CRTAC1: variants seen among roughly 807,000 people sequenced by gnomAD.
CRTAC1 encodes acidic secreted protein in cartilage.
In CRTAC1, 37 loss-of-function variants were observed where a neutral mutation model predicts 67.8. That is an observed-to-expected ratio of 0.55 (90% CI 0.42 to 0.72). The LOEUF is 0.72. CRTAC1 is among the 30% of genes least tolerant of loss of function. The pLI is 0.00. For missense variants in CRTAC1, 780 were observed against 931.6 expected, an observed-to-expected ratio of 0.84 and a Z score of 2.12; for synonymous variants, 348 against 371.0, an observed-to-expected ratio of 0.94 and a Z score of 0.71.
chr10:97,935,097 G>T (rs2051065704), intron 3 of CRTAC1, among the ~76,000 whole-genome samples: 1 of 152,200 alleles, frequency 6.6e-6, no homozygotes, highest in African/African-American at 2.4e-5. Flanking sequence ...ACATAGGGTT[G>T]AGGAAAGCCG....
At position 98,030,131 on chromosome 10, in the gene CRTAC1, C is replaced by G. The variant is rs1327794857; in HGVS notation, c.24+318G>C. Among the ~76,000 whole-genome samples the G allele has an allele frequency of 6.6e-6, 1 of 152,142 alleles. No homozygotes were observed. The highest frequency in any genetic ancestry group is 2.4e-5 in the African/African-American group (1 of 41,452). On this transcript the variant is annotated intron_variant, in intron 1 of 14. Coordinates refer to ENST00000370597, the MANE Select transcript of CRTAC1 (RefSeq NM_018058.7). This position sits in a 1 kb window ranked among gnomAD's most constrained non-coding sequence, Gnocchi z 4.2. Reference sequence around the variant, plus strand: ...CTCCAGGCCCCAGAGGCCCCCTCCCCTGACAGCTGACCTCCAGTGCGCCCC... The same window carrying G: ...CTCCAGGCCCCAGAGGCCCCCTCCCGTGACAGCTGACCTCCAGTGCGCCCC...
Position 97,923,353 on chromosome 10 carries a change from A to T in CRTAC1, c.469T>A (p.Trp157Arg). The T allele has an allele frequency of 1.2e-6, 2 of 1,614,024 alleles. No individual in the cohort carries two copies. The highest frequency in any genetic ancestry group is 1.7e-6 in the Non-Finnish European group (2 of 1,180,014). The change falls in exon 4 of 15, where the codon TGG (tryptophan) becomes AGG (arginine). Residue 157 changes from tryptophan (W) to arginine (R), a missense_variant. By Grantham distance (101) the Trp-to-Arg change is moderately radical (BLOSUM62 -3). Transcript: ENST00000370597. ...ACCTCATCGCTCAGGATGTCTTCCC[A>T]CCGGTTATTGCGGAACTTGAACAAC... ...DKLFKFRNNR[W>R]EDILSDEVNV...
chr10:97,878,642 C>A (rs1484642805), intron 14 of CRTAC1: 1 of 1,303,980 alleles, frequency 7.7e-7, no homozygotes. Context: ...GCTACAGGAG[C>A]ATTCTATTTT....
At chr10:97,923,761 T>C (rs1302844080) in intron 3 of CRTAC1, among the ~76,000 whole-genome samples, 1 of 152,252 alleles carries the variant, frequency 6.6e-6, no homozygotes, top group Admixed American at 6.5e-5. Context: ...TACGGCAACA[T>C]CCAAACTCAA....
At chr10:97,889,375 C>G (rs1011894067) in intron 11 of CRTAC1, among the ~76,000 whole-genome samples, 1 of 150,506 alleles carries the variant, frequency 6.6e-6, no homozygotes, top group Non-Finnish European at 1.5e-5. Context: ...AGCAGAAATG[C>G]TTATTTTCAG....
intron 5 of CRTAC1, among the ~76,000 whole-genome samples, chr10:97,915,234 T>C (rs1397385120): frequency 3.3e-5 from 5 of 152,180 alleles, no homozygotes; most frequent in Non-Finnish European, 7.4e-5. Flanking sequence ...GTTCTTAAGT[T>C]GGAGGTCATC....
In CRTAC1 at chr10:97,872,418, G is replaced by A. The variant is rs75392255; in HGVS notation, c.1820-6704C>T. On this transcript the variant is annotated intron_variant, in intron 14 of 14. Transcript: ENST00000370597. The stretch of plus-strand genomic sequence containing the variant: ...AGCTCTCAGTGATGTTGCCCTAGCT[G>A]TGACATTGTGGCTCTGCTCATGACC... Among the ~76,000 whole-genome samples, 1,003 of 152,294 alleles carry A rather than the reference G, an allele frequency of 6.6e-3. 13 individuals are homozygous for A. The highest frequency in any genetic ancestry group is 0.022 in the African/African-American group (909 of 41,556).
intron 1 of CRTAC1, among the ~76,000 whole-genome samples, chr10:98,023,690 A>C (rs1843167323): frequency 6.6e-6 from 1 of 152,190 alleles, no homozygotes; most frequent in African/African-American, 2.4e-5. Flanking sequence ...TGACGGAAAG[A>C]GCCTGCCACC....
chr10:97,953,773 T>C (rs910817024), intron 2 of CRTAC1, among the ~76,000 whole-genome samples: 3 of 152,200 alleles, frequency 2.0e-5, no homozygotes, highest in African/African-American at 7.2e-5. Flanking sequence ...TTATTCCAAA[T>C]TCTAGTTTCT....
chr10:98,019,033 G>A (rs1023646806), intron 1 of CRTAC1, among the ~76,000 whole-genome samples: 19 of 152,176 alleles, frequency 1.2e-4, no homozygotes, highest in African/African-American at 4.3e-4. Context: ...GGTGAGGGGT[G>A]CTGCGGAGGA....
At chr10:97,947,402 T>C (rs1036473302) in intron 2 of CRTAC1, among the ~76,000 whole-genome samples, 1 of 152,186 alleles carries the variant, frequency 6.6e-6, no homozygotes, top group Non-Finnish European at 1.5e-5. Context: ...ACTTGAAGGA[T>C]GTATAGGATT....
chr10:97,925,780 G>A (rs140361432), intron 3 of CRTAC1, among the ~76,000 whole-genome samples: 330 of 152,216 alleles, frequency 2.2e-3, no homozygotes, highest in African/African-American at 7.6e-3. Flanking sequence ...CGTAGAGTGC[G>A]CGAGAACAGT....
intron 2 of CRTAC1, among the ~76,000 whole-genome samples, chr10:97,958,856 T>C (rs192086603): frequency 5.5e-4 from 83 of 152,238 alleles, no homozygotes; most frequent in Middle Eastern, 6.8e-3. Flanking sequence ...GGGATAAATT[T>C]CACGGGTCCT....
chr10:97,913,343 C>G (rs757774941), intron 5 of CRTAC1, among the ~76,000 whole-genome samples: 1 of 152,110 alleles, frequency 6.6e-6, no homozygotes, highest in African/African-American at 2.4e-5. Context: ...GATACACCCC[C>G]GCTCATCCTT....
At chr10:97,902,831 G>C (rs984446787) in intron 7 of CRTAC1, among the ~76,000 whole-genome samples, 11 of 152,116 alleles carry the variant, frequency 7.2e-5, no homozygotes, top group African/African-American at 2.7e-4. Context: ...GCTCTGGGGA[G>C]GCCAGGGAAA....
chr10:97,905,092 G>T (rs34030605), intron 6 of CRTAC1, among the ~76,000 whole-genome samples: 3,638 of 152,212 alleles, frequency 0.024, 78 homozygotes, highest in Middle Eastern at 0.037. Context: ...GCATGGGTTG[G>T]GGGAGGGAGA....
At chr10:97,899,217 C>T (rs1221402570) in intron 8 of CRTAC1, among the ~76,000 whole-genome samples, 4 of 152,236 alleles carry the variant, frequency 2.6e-5, no homozygotes, top group Non-Finnish European at 4.4e-5. Context: ...GTGCTCAGGA[C>T]CCAGCCATCT....
Position 97,896,994 on chromosome 10 carries a change from G to T in CRTAC1, c.1134-3C>A, listed in dbSNP as rs2050470392. The T allele has an allele frequency of 1.2e-5, 18 of 1,553,938 alleles. No homozygotes were observed. Among genetic ancestry groups the T allele is most frequent in the Non-Finnish European group, 1.3e-5 (15 of 1,147,684 alleles). On this transcript the variant is annotated splice_polypyrimidine_tract_variant and splice_region_variant and intron_variant, in intron 8 of 14. Transcript: ENST00000370597. ...CTCCGTGCTCTCTACGGATGACGCTGCAGGAGAGGAGACAGGCTTGCTCTG... is the reference window on the plus strand; with the variant it reads ...CTCCGTGCTCTCTACGGATGACGCTTCAGGAGAGGAGACAGGCTTGCTCTG...
chr10:97,913,103 A>G (rs2050710902), intron 5 of CRTAC1, among the ~76,000 whole-genome samples: 1 of 150,996 alleles, frequency 6.6e-6, no homozygotes, highest in Admixed American at 6.6e-5. Context: ...AACGTGGTGC[A>G]GGAATGGGCA....
Sources: allele counts gnomAD v4.1 joint callset (sites outside exome capture counted in the v4.1 genomes callset), GRCh38; gene constraint gnomAD v4.1.1; non-coding constraint Gnocchi (gnomAD v3.1); transcripts MANE v1.5; gene names NCBI Gene and HGNC (gene_info 2026-07-23, HGNC 2026-07-21).